DLGAP2: variants seen among roughly 807,000 people sequenced by gnomAD.
DLGAP2 encodes DLG associated protein 2.
DLGAP2 carries 26 observed loss-of-function variants against 100.3 expected under a neutral mutation model. The observed-to-expected ratio is 0.26, with a 90% CI of 0.19 to 0.36. The LOEUF (loss-of-function observed/expected upper bound fraction) is 0.36, where lower values mean the gene tolerates loss of function less well. DLGAP2 is among the 10% of genes least tolerant of loss of function. The pLI is 1.00. For missense variants in DLGAP2, 1,858 were observed against 1,453.2 expected, an observed-to-expected ratio of 1.28 and a Z score of -4.53; for synonymous variants, 886 against 630.1, an observed-to-expected ratio of 1.41 and a Z score of -6.08.
chr8:1,407,410 C>T (rs190402524), intron 3 of DLGAP2, among the ~76,000 whole-genome samples: 10,197 of 115,132 alleles, frequency 0.089, 71 homozygotes, highest in Non-Finnish European at 0.12. Flanking sequence ...GCTTACTGAG[C>T]GCCACCTCCT....
At chr8:1,112,755 C>T (rs1805000477) in intron 2 of DLGAP2, among the ~76,000 whole-genome samples, 1 of 152,176 alleles carries the variant, frequency 6.6e-6, no homozygotes, top group Non-Finnish European at 1.5e-5. Context: ...CCTTTTGTTG[C>T]AGAAATTGCA....
intron 2 of DLGAP2, among the ~76,000 whole-genome samples, chr8:1,252,447 G>A (rs555208061): frequency 6.6e-6 from 1 of 152,264 alleles, no homozygotes; most frequent in East Asian, 1.9e-4. Flanking sequence ...TTGTCACACT[G>A]TGGTGTTGTC....
chr8:1,116,958 G>A (rs1006662382), intron 2 of DLGAP2, among the ~76,000 whole-genome samples: 7 of 152,180 alleles, frequency 4.6e-5, no homozygotes, highest in African/African-American at 7.2e-5. Context: ...CTTCCTCTGC[G>A]GAAGGGAGAT....
At chr8:1,434,818 G>A (rs1194259049) in intron 3 of DLGAP2, among the ~76,000 whole-genome samples, 1 of 152,172 alleles carries the variant, frequency 6.6e-6, no homozygotes, top group Non-Finnish European at 1.5e-5. Flanking sequence ...GTGAACATGA[G>A]TAACATGCAT....
intron 2 of DLGAP2, among the ~76,000 whole-genome samples, chr8:1,205,152 G>T (rs1185125085): frequency 6.6e-6 from 1 of 152,154 alleles, no homozygotes; most frequent in East Asian, 1.9e-4. Context: ...TCCTGGAAAG[G>T]TCCATCGCGT....
intron 4 of DLGAP2, 72 bp from the exon 5 acceptor site, chr8:1,548,553 GT>G: frequency 2.2e-6 from 3 of 1,352,550 alleles, no homozygotes; most frequent in Non-Finnish European, 2.9e-6. Flanking sequence ...CACGGTGGGG[GT>G]CACATATTCC....
At chr8:956,674 A>C (rs1014689797) in intron 2 of DLGAP2, among the ~76,000 whole-genome samples, 1 of 152,224 alleles carries the variant, frequency 6.6e-6, no homozygotes, top group South Asian at 2.1e-4. Flanking sequence ...AATACATGTG[A>C]TGGCAAAATA....
chr8:1,173,122 C>T (rs1392716465), intron 2 of DLGAP2, among the ~76,000 whole-genome samples: 2 of 152,216 alleles, frequency 1.3e-5, no homozygotes, highest in African/African-American at 4.8e-5. Flanking sequence ...AGCTGCAGGT[C>T]TGTTGGAGTT....
intron 2 of DLGAP2, among the ~76,000 whole-genome samples, chr8:1,001,145 C>T (rs1800944290): frequency 6.6e-6 from 1 of 152,166 alleles, no homozygotes; most frequent in Non-Finnish European, 1.5e-5. Flanking sequence ...GAGTGTGTGC[C>T]CCTTTTTCTT....
At chr8:1,160,559 C>A (rs540475557) in intron 2 of DLGAP2, among the ~76,000 whole-genome samples, 5 of 152,308 alleles carry the variant, frequency 3.3e-5, no homozygotes, top group Non-Finnish European at 7.3e-5. Flanking sequence ...CTTTATCTTA[C>A]ACTCATTATT....
At chr8:752,039 C>T (rs577182533) in intron 1 of DLGAP2, among the ~76,000 whole-genome samples, 1 of 152,356 alleles carries the variant, frequency 6.6e-6, no homozygotes, top group South Asian at 2.1e-4. Context: ...AAGAGGGTCT[C>T]CCTCCAGGGC....
At chr8:1,588,788 A>G (rs1226182041) in intron 6 of DLGAP2, among the ~76,000 whole-genome samples, 1 of 150,752 alleles carries the variant, frequency 6.6e-6, no homozygotes, top group African/African-American at 2.4e-5. Flanking sequence ...TGAGCATGGT[A>G]GTACATGCCT....
At chr8:1,241,538 A>T (rs1798796715) in intron 2 of DLGAP2, among the ~76,000 whole-genome samples, 1 of 152,258 alleles carries the variant, frequency 6.6e-6, no homozygotes. Flanking sequence ...AGGAAGCAGA[A>T]CATGTTTCCC....
At chr8:811,623 C>A (rs1025323062) in intron 1 of DLGAP2, among the ~76,000 whole-genome samples, 4 of 150,488 alleles carry the variant, frequency 2.7e-5, no homozygotes, top group African/African-American at 9.8e-5. Flanking sequence ...GATGAAGCTC[C>A]CATCAACCTT....
chr8:1,206,423 GGTTAATCTCCAGCCATCCGTGGACT>G (rs1797992332), intron 2 of DLGAP2, among the ~76,000 whole-genome samples: 2 of 107,760 alleles, frequency 1.9e-5, no homozygotes, highest in African/African-American at 7.6e-5. Context: ...GACTGTGAGC[GGTTAATCTCCAGCCATCCGTGGACT>G]GGGGTAGACT....
At chr8:748,019 C>G (rs149008881) in intron 1 of DLGAP2, among the ~76,000 whole-genome samples, 8 of 5,384 alleles carry the variant, frequency 1.5e-3, no homozygotes, top group South Asian at 0.012. Context: ...GTGGGATGGG[C>G]GGGTCTGCGG....
chr8:1,456,514 TGTG>T (rs1798317241), intron 3 of DLGAP2, among the ~76,000 whole-genome samples: 2 of 152,230 alleles, frequency 1.3e-5, no homozygotes, highest in Non-Finnish European at 2.9e-5. Flanking sequence ...ATTGTGATAA[TGTG>T]GTCCCAGAAA....
chr8:1,429,534 G>C (rs564346965), intron 3 of DLGAP2, among the ~76,000 whole-genome samples: 1 of 152,182 alleles, frequency 6.6e-6, no homozygotes, highest in South Asian at 2.1e-4. Context: ...AGATGACTTA[G>C]GGACATGGAA....
At chr8:810,830 A>C (rs1206993922) in intron 1 of DLGAP2, among the ~76,000 whole-genome samples, 1 of 152,248 alleles carries the variant, frequency 6.6e-6, no homozygotes, top group Non-Finnish European at 1.5e-5. Context: ...CTTCTAGTTC[A>C]GTAATGCAGT....
Sources: gnomAD v4.1 joint callset for allele counts (sites outside exome capture counted in the v4.1 genomes callset) on GRCh38, gnomAD v4.1.1 for gene constraint, MANE v1.5 for transcripts, NCBI Gene and HGNC (gene_info 2026-07-23, HGNC 2026-07-21) for gene names.